RHOQ: variants seen among roughly 807,000 people sequenced by gnomAD.
RHOQ encodes ras homolog family member Q.
In RHOQ, 7 loss-of-function variants were observed where a neutral mutation model predicts 25.8. The observed-to-expected ratio is 0.27, with a 90% CI of 0.15 to 0.51. The LOEUF (loss-of-function observed/expected upper bound fraction) is 0.51. Among genes scored for constraint, RHOQ ranks in the 20% least tolerant of loss-of-function variants. The pLI is 0.97. For missense variants in RHOQ, 165 were observed against 260.6 expected, an observed-to-expected ratio of 0.63 and a Z score of 2.53; for synonymous variants, 97 against 98.6, an observed-to-expected ratio of 0.98 and a Z score of 0.10.
At chr2:46,575,314 A>G (rs1415045444) in intron 2 of RHOQ, among the ~76,000 whole-genome samples, 3 of 152,138 alleles carry the variant, frequency 2.0e-5, no homozygotes, top group Non-Finnish European at 4.4e-5. Flanking sequence ...AAGAATAAAC[A>G]TGAAAATATT....
chr2:46,584,421 T>C lies in RHOQ; in HGVS notation c.*3338T>C, dbSNP rs984743850. Among the ~76,000 whole-genome samples, 2 of 152,200 alleles carry C rather than the reference T, an allele frequency of 1.3e-5. No homozygotes were observed. The highest frequency in any genetic ancestry group is 6.5e-5 in the Admixed American group (1 of 15,284). On this transcript the variant is annotated 3_prime_UTR_variant, in exon 5 of 5. Transcript: ENST00000238738. The stretch of plus-strand genomic sequence containing the variant: ...ATAGTAATCCCTCATGAATCCCAGC[T>C]AGATTCCAATTTGGGTTACTAAATT...
chr2:46,561,490 G>A (rs1668576473), intron 2 of RHOQ, among the ~76,000 whole-genome samples: 1 of 152,150 alleles, frequency 6.6e-6, no homozygotes, highest in Admixed American at 6.6e-5. Flanking sequence ...GGTGGGAAGA[G>A]GAGTTTGATG....
At position 46,581,420 on chromosome 2, in the gene RHOQ, C is replaced by A; in HGVS notation, c.*337C>A. 1 of 1,576,498 alleles carries A rather than the reference C, an allele frequency of 6.3e-7. No homozygotes were observed. Among genetic ancestry groups the A allele is most frequent in the Non-Finnish European group, 8.6e-7 (1 of 1,160,730 alleles). On this transcript the variant is annotated 3_prime_UTR_variant, in exon 5 of 5. Transcript: ENST00000238738. Reference sequence around the variant, plus strand: ...ATGGAACTGCTTGGCTTTGACCATACACATTTCTGCCCAGCCCTTACAGAA... The same window carrying A: ...ATGGAACTGCTTGGCTTTGACCATAAACATTTCTGCCCAGCCCTTACAGAA...
rs1261044486 is a variant in RHOQ at position 46,555,970 on chromosome 2, T to G, written c.201+12158T>G. ...ACTGCTTGATATGTAAGTTTCCTCC[T>G]CTTTCCTTTGTTTTATTTTTTGAGG... is the stretch of plus-strand genomic sequence containing the variant. On this transcript the variant is annotated intron_variant, in intron 2 of 4. Transcript: ENST00000238738. The surrounding 1 kb of genome is among the most constrained non-coding windows in gnomAD (Gnocchi z 4.3). 6.6e-6 allele frequency among the ~76,000 whole-genome samples: 1 copy of G among 152,194 alleles called. No homozygotes were observed. Among genetic ancestry groups the G allele is most frequent in the East Asian group, 1.9e-4 (1 of 5,200 alleles).
rs1276601352 is a variant in RHOQ at position 46,555,254 on chromosome 2, G to T, written c.201+11442G>T. 1.3e-5 allele frequency among the ~76,000 whole-genome samples: 2 copies of T among 152,226 alleles called. No homozygotes were observed. The highest frequency in any genetic ancestry group is 1.9e-4 in the East Asian group (1 of 5,190). ...TCCCTCCTTAGAATTTCCACTAAGT[G>T]AATTGTCTCCAGGCTGCACTCTAGC... On this transcript the variant is annotated intron_variant, in intron 2 of 4. Coordinates refer to ENST00000238738, the MANE Select transcript of RHOQ (RefSeq NM_012249.4). The surrounding 1 kb of genome is among the most constrained non-coding windows in gnomAD (Gnocchi z 4.3).
In RHOQ at chr2:46,548,224, G is replaced by A. The variant is rs146150962; in HGVS notation, c.201+4412G>A. Among the ~76,000 whole-genome samples the A allele has an allele frequency of 3.9e-5, 6 of 152,350 alleles. No individual in the cohort carries two copies. The East Asian group carries it at 9.6e-4, about 24-fold the overall frequency. ...GTGTTGCTTTTTCAATGACAAGTGA[G>A]ATTTGTTTTACACTTGATATAACCC... On this transcript the variant is annotated intron_variant, in intron 2 of 4. Coordinates refer to ENST00000238738, the MANE Select transcript of RHOQ (RefSeq NM_012249.4). This position sits in a 1 kb window ranked among gnomAD's most constrained non-coding sequence, Gnocchi z 5.2.
In RHOQ at chr2:46,581,685, T is replaced by C. The variant is rs994329281; in HGVS notation, c.*602T>C. 1.7e-4 allele frequency: 257 copies of C among 1,478,374 alleles called. No individual in the cohort carries two copies. Among genetic ancestry groups the C allele is most frequent in the Middle Eastern group, 5.0e-4 (2 of 3,996 alleles). The allele number at this position is 1,478,374 out of a possible 1,614,324, so 91.6% of individuals were successfully genotyped here. A position where few individuals can be genotyped will look rare whatever the true frequency, so the allele number is the denominator to read the frequency against. On this transcript the variant is annotated 3_prime_UTR_variant, in exon 5 of 5. Coordinates refer to ENST00000238738, the MANE Select transcript of RHOQ (RefSeq NM_012249.4). ...TAAATATTTCTATATTAAAGCTTAA[T>C]GTGCTTTCTTAAAGAATGCCAAAAG...
chr2:46,572,981 T>A (rs1387617092), intron 2 of RHOQ, among the ~76,000 whole-genome samples: 1 of 152,206 alleles, frequency 6.6e-6, no homozygotes, highest in East Asian at 1.9e-4. Flanking sequence ...AGGGGATAAT[T>A]TATTTTCTAA....
chr2:46,543,674 G>A lies in RHOQ; in HGVS notation c.143-80G>A, dbSNP rs1558678628. 5 of 1,289,466 alleles carry A rather than the reference G, an allele frequency of 3.9e-6. No individual in the cohort carries two copies. In the South Asian group the frequency reaches 5.0e-5, roughly 13 times the overall value. The allele number at this position is 1,289,466 out of a possible 1,614,324, so 79.9% of individuals were successfully genotyped here. A position where few individuals can be genotyped will look rare whatever the true frequency, so the allele number is the denominator to read the frequency against. ...GCCTCTAGCTGGGTTGGGAGAGGAG[G>A]GTCCGGGTGGGGAGCGAAATTGCCC... On this transcript the variant is annotated intron_variant, in intron 1 of 4. Transcript: ENST00000238738.
At chr2:46,575,399 T>TCACACACACACACACAAA (rs1669079742) in intron 2 of RHOQ, among the ~76,000 whole-genome samples, 1 of 138,228 alleles carries the variant, frequency 7.2e-6, no homozygotes, top group African/African-American at 2.7e-5. Flanking sequence ...CTTTAAATCT[T>TCACACACACACACACAAA]CACACACACA....
intron 2 of RHOQ, among the ~76,000 whole-genome samples, chr2:46,570,842 C>G (rs1388860876): frequency 1.3e-5 from 2 of 152,142 alleles, no homozygotes; most frequent in African/African-American, 4.8e-5. Flanking sequence ...ATCTGTTACC[C>G]CTTGTTCTAG....
intron 2 of RHOQ, among the ~76,000 whole-genome samples, chr2:46,551,937 C>T (rs1384739708): frequency 6.6e-6 from 1 of 152,160 alleles, no homozygotes; most frequent in East Asian, 1.9e-4. Flanking sequence ...ATGACTCGCT[C>T]CAGGCCACAC....
In RHOQ at chr2:46,548,278, T is replaced by C. The variant is rs1668135461; in HGVS notation, c.201+4466T>C. 6.6e-6 allele frequency among the ~76,000 whole-genome samples: 1 copy of C among 152,210 alleles called. No individual in the cohort carries two copies. The highest frequency in any genetic ancestry group is 1.5e-5 in the Non-Finnish European group (1 of 68,026). On this transcript the variant is annotated intron_variant, in intron 2 of 4. Coordinates refer to ENST00000238738, the MANE Select transcript of RHOQ (RefSeq NM_012249.4). This position sits in a 1 kb window ranked among gnomAD's most constrained non-coding sequence, Gnocchi z 5.2. Reference sequence around the variant, plus strand: ...AGCTGTGGCTGCCCTGCATGCCCTCTGGGTGCCCACAAGGCACTTCCCCTA... The same window carrying C: ...AGCTGTGGCTGCCCTGCATGCCCTCCGGGTGCCCACAAGGCACTTCCCCTA...
intron 2 of RHOQ, among the ~76,000 whole-genome samples, chr2:46,558,851 T>C (rs1668482999): frequency 6.6e-6 from 1 of 152,248 alleles, no homozygotes. Flanking sequence ...GTTTATCATC[T>C]ACCCCTTCTA....
At chr2:46,579,055 C>T (rs1425041811) in intron 4 of RHOQ, among the ~76,000 whole-genome samples, 2 of 152,128 alleles carry the variant, frequency 1.3e-5, no homozygotes, top group Non-Finnish European at 2.9e-5. Context: ...GGCAAAAATT[C>T]CCTGCATCTA....
chr2:46,561,001 A>AACACACACAC (rs61040858), intron 2 of RHOQ, among the ~76,000 whole-genome samples: 4 of 141,256 alleles, frequency 2.8e-5, no homozygotes, highest in South Asian at 2.3e-4. Context: ...AGACCCCATA[A>AACACACACAC]ACACACACAC....
At chr2:46,580,259 CAA>C (rs1669304956) in intron 4 of RHOQ, 1 of 152,442 alleles carries the variant, frequency 6.6e-6, no homozygotes, top group African/African-American at 2.4e-5. Context: ...GTTGTTCCCT[CAA>C]AGTTCTACCT....
Position 46,542,769 on chromosome 2 carries a change from C to G in RHOQ, c.-278C>G, listed in dbSNP as rs1366198244. On this transcript the variant is annotated 5_prime_UTR_variant, in exon 1 of 5. Coordinates refer to ENST00000238738, the MANE Select transcript of RHOQ (RefSeq NM_012249.4). ...GCGGATCCTCCTGGGGAGGCCGGGC[C>G]GGGGAGAGGGCGCGGGCGCCGAGTG... The G allele has an allele frequency of 6.8e-6, 1 of 146,796 alleles. No individual in the cohort carries two copies. Among genetic ancestry groups the G allele is most frequent in the Non-Finnish European group, 1.5e-5 (1 of 65,768 alleles). 9.1% of individuals were successfully genotyped at this position (146,796 alleles called of 1,614,324 possible). A position where few individuals can be genotyped will look rare whatever the true frequency, so the allele number is the denominator to read the frequency against.
At position 46,547,155 on chromosome 2, in the gene RHOQ, C is replaced by T. The variant is rs561610059; in HGVS notation, c.201+3343C>T. ...AGAGTTAAGATGGAATGAGGCAGCTCATGGCACTACAGGTCAGTTGCCTTC... is the reference window on the plus strand; with the variant it reads ...AGAGTTAAGATGGAATGAGGCAGCTTATGGCACTACAGGTCAGTTGCCTTC... On this transcript the variant is annotated intron_variant, in intron 2 of 4. Coordinates refer to ENST00000238738, the MANE Select transcript of RHOQ (RefSeq NM_012249.4). Among the ~76,000 whole-genome samples, 107 of 152,328 alleles carry T rather than the reference C, an allele frequency of 7.0e-4. 1 individual carries two copies. The highest frequency in any genetic ancestry group is 2.5e-3 in the African/African-American group (105 of 41,580).
Sources: gnomAD v4.1 joint callset for allele counts (sites outside exome capture counted in the v4.1 genomes callset) on GRCh38, gnomAD v4.1.1 for gene constraint, Gnocchi (gnomAD v3.1) non-coding constraint, MANE v1.5 for transcripts, NCBI Gene and HGNC (gene_info 2026-07-23, HGNC 2026-07-21) for gene names.